Variants in GALNT7 observed in about 807,000 individuals in gnomAD.
GALNT7 encodes the protein N-acetylgalactosaminyltransferase 7.
GALNT7 carries 60 observed loss-of-function variants against 82.1 expected under a neutral mutation model. The observed-to-expected ratio is 0.73, with a 90% CI of 0.59 to 0.91. GALNT7 has a LOEUF of 0.91. GALNT7 is among the 40% of genes least tolerant of loss of function. The probability of loss-of-function intolerance (pLI) is 0.00; values close to 1 mark genes in which losing one functional copy is unlikely to be tolerated. For synonymous variants in GALNT7, 243 were observed against 275.1 expected (o/e 0.88, Z 1.15); for missense variants, 660 against 804.2 (o/e 0.82, Z 2.17).
Position 173,292,341 on chromosome 4 carries a change from A to T in GALNT7, c.754+67A>T. ...AAGCATGAATAATTGCAAAAAGGTGATTTCAAAATAATTAGCTTTAAAAAA... is the reference window on the plus strand; with the variant it reads ...AAGCATGAATAATTGCAAAAAGGTGTTTTCAAAATAATTAGCTTTAAAAAA... On this transcript the variant is annotated intron_variant, in intron 3 of 11. Coordinates refer to ENST00000265000, the MANE Select transcript of GALNT7 (RefSeq NM_017423.3). This position sits in a 1 kb window ranked among gnomAD's most constrained non-coding sequence, Gnocchi z 4.8. The T allele has an allele frequency of 1.0e-6, 1 of 982,324 alleles. No homozygotes were observed. Among genetic ancestry groups the T allele is most frequent in the South Asian group, 1.7e-5 (1 of 60,196 alleles). 60.9% of individuals were successfully genotyped at this position (982,324 alleles called of 1,614,324 possible). A position where few individuals can be genotyped will look rare whatever the true frequency, so the allele number is the denominator to read the frequency against.
intron 2 of GALNT7, among the ~76,000 whole-genome samples, 156 bp downstream of exon 2, chr4:173,248,596 C>T (rs953252046): frequency 3.9e-5 from 6 of 152,066 alleles, no homozygotes; most frequent in African/African-American, 1.4e-4. Context: ...CAGAAGGAGG[C>T]AGTCCCTCCA....
chr4:173,248,032 C>A lies in GALNT7; in HGVS notation c.179C>A (p.Ala60Asp). ...PMPNRGGNGL[A>D]PGEDRFKPVV... The stretch of plus-strand genomic sequence containing the variant: ...CCCAACCGAGGCGGCAATGGACTAG[C>A]TCCTGGGGAGGACAGATTCAAACCT... The change falls in exon 2 of 12, where the codon GCT (alanine) becomes GAT (aspartate). Residue 60 changes from alanine (A) to aspartate (D), a missense_variant. Coordinates refer to ENST00000265000, the MANE Select transcript of GALNT7 (RefSeq NM_017423.3). 6.2e-7 allele frequency: 1 copy of A among 1,613,646 alleles called. No homozygotes were observed. The highest frequency in any genetic ancestry group is 8.5e-7 in the Non-Finnish European group (1 of 1,179,688).
chr4:173,219,820 C>T (rs1016336569), intron 1 of GALNT7, among the ~76,000 whole-genome samples: 1 of 151,978 alleles, frequency 6.6e-6, no homozygotes, highest in African/African-American at 2.4e-5. Context: ...GTTTCCTTAG[C>T]CTACTTTTTA....
chr4:173,245,039 A>C (rs1734573027), intron 1 of GALNT7, among the ~76,000 whole-genome samples: 1 of 152,128 alleles, frequency 6.6e-6, no homozygotes, highest in African/African-American at 2.4e-5. Context: ...TAAGGTTTTG[A>C]GTTCAGAAAG....
chr4:173,199,114 T>C (rs1019218760), intron 1 of GALNT7, among the ~76,000 whole-genome samples: 8 of 152,244 alleles, frequency 5.3e-5, no homozygotes, highest in South Asian at 2.1e-4. Context: ...ATACAAAATA[T>C]GTAGTAAATC....
intron 2 of GALNT7, among the ~76,000 whole-genome samples, chr4:173,279,159 G>A (rs183677961): frequency 1.3e-5 from 2 of 152,312 alleles, no homozygotes; most frequent in Non-Finnish European, 2.9e-5. Flanking sequence ...TCATGGTTCT[G>A]CAGGCTGTAC....
At chr4:173,218,982 A>C (rs1262685095) in intron 1 of GALNT7, among the ~76,000 whole-genome samples, 2 of 151,698 alleles carry the variant, frequency 1.3e-5, no homozygotes, top group East Asian at 3.9e-4. Context: ...TTCTTAAAAA[A>C]ATTTTTTTTT....
rs777017033 is a variant in GALNT7 at position 173,317,741 on chromosome 4, C to A, written c.1707+9C>A. ...GGATGGGAGGGAATCAGGTAAACCA[C>A]CTTACTTTTGTGTTTAAGTTGTTCC... On this transcript the variant is annotated intron_variant, in intron 10 of 11. Transcript: ENST00000265000. The A allele has an allele frequency of 6.4e-7, 1 of 1,553,456 alleles. No individual in the cohort carries two copies. The highest frequency in any genetic ancestry group is 1.7e-5 in the Admixed American group (1 of 59,862).
At chr4:173,246,209 A>G (rs1226654479) in intron 1 of GALNT7, among the ~76,000 whole-genome samples, 2 of 152,240 alleles carry the variant, frequency 1.3e-5, no homozygotes, top group East Asian at 1.9e-4. Context: ...GTGGAATGCA[A>G]TTGATTATTG....
intron 1 of GALNT7, among the ~76,000 whole-genome samples, chr4:173,209,771 G>A (rs1159039068): frequency 1.3e-5 from 2 of 152,128 alleles, no homozygotes; most frequent in South Asian, 2.1e-4. Flanking sequence ...CTTCCTTTCC[G>A]GGTGCCAGCA....
At chr4:173,245,425 T>A (rs963715832) in intron 1 of GALNT7, among the ~76,000 whole-genome samples, 1 of 152,192 alleles carries the variant, frequency 6.6e-6, no homozygotes, top group Non-Finnish European at 1.5e-5. Context: ...CAATTTCTTC[T>A]CTATGGAACA....
intron 1 of GALNT7, among the ~76,000 whole-genome samples, chr4:173,218,354 A>C (rs1733536332): frequency 6.6e-6 from 1 of 152,204 alleles, no homozygotes; most frequent in Non-Finnish European, 1.5e-5. Flanking sequence ...AATTGAAAAA[A>C]CGTGAGACGA....
At chr4:173,310,608 C>T (rs1737347679) in intron 8 of GALNT7, among the ~76,000 whole-genome samples, 1 of 152,138 alleles carries the variant, frequency 6.6e-6, no homozygotes, top group Admixed American at 6.5e-5. Context: ...TTAATAATAG[C>T]TAACATATGG....
intron 1 of GALNT7, among the ~76,000 whole-genome samples, chr4:173,170,954 T>C (rs529865642): frequency 6.6e-6 from 1 of 152,330 alleles, no homozygotes; most frequent in East Asian, 1.9e-4. Flanking sequence ...GGTGATGATA[T>C]CTTGATTTTT....
At chr4:173,279,899 C>T (rs748382575) in intron 2 of GALNT7, among the ~76,000 whole-genome samples, 1 of 151,980 alleles carries the variant, frequency 6.6e-6, no homozygotes, top group Non-Finnish European at 1.5e-5. Context: ...CACTTGAACC[C>T]GGGTGGCAGA....
chr4:173,298,237 A>G lies in GALNT7; in HGVS notation c.1088A>G (p.Lys363Arg). The G allele has an allele frequency of 6.2e-7, 1 of 1,612,036 alleles. No individual in the cohort carries two copies. The change falls in exon 6 of 12, where the codon AAA becomes AGA. Residue 363 changes from lysine (K) to arginine (R), a missense_variant. Physicochemically the swap from Lys to Arg is conservative, Grantham distance 26. Around this residue, in one of 2 missense-constraint regions of GALNT7, gnomAD observed 527 missense variants for 683.5 expected, o/e 0.77. Coordinates refer to ENST00000265000, the MANE Select transcript of GALNT7 (RefSeq NM_017423.3). ...GCATGGGATTGGAGTATGCTCTGGA[A>G]ACGGGTGCCTCTGACCCCTCAAGAG... Reference protein sequence around the residue: ...RGAWDWSMLWKRVPLTPQEKR... With the variant: ...RGAWDWSMLWRRVPLTPQEKR...
intron 1 of GALNT7, among the ~76,000 whole-genome samples, chr4:173,230,048 C>G (rs1048366281): frequency 6.6e-6 from 1 of 152,048 alleles, no homozygotes; most frequent in Admixed American, 6.5e-5. Flanking sequence ...AAGAAGGGAA[C>G]CTTTTCAATA....
chr4:173,265,349 G>A (rs1735443823), intron 2 of GALNT7, among the ~76,000 whole-genome samples: 1 of 152,102 alleles, frequency 6.6e-6, no homozygotes. Context: ...GCTACTGTTT[G>A]GTGAATAGTT....
intron 2 of GALNT7, among the ~76,000 whole-genome samples, chr4:173,257,703 T>A (rs767320628): frequency 1.3e-5 from 2 of 152,234 alleles, no homozygotes; most frequent in Non-Finnish European, 2.9e-5. Flanking sequence ...AATAGCCTGG[T>A]GACTTATTTT....
Sources: allele counts gnomAD v4.1 joint callset (sites outside exome capture counted in the v4.1 genomes callset), GRCh38; gene constraint gnomAD v4.1.1; regional missense constraint gnomAD v4.1.1; non-coding constraint Gnocchi (gnomAD v3.1); transcripts MANE v1.5; gene names NCBI Gene and HGNC (gene_info 2026-07-23, HGNC 2026-07-21).